Variants in CACNA2D1 observed in about 807,000 individuals in gnomAD.
The protein encoded by CACNA2D1 is voltage-dependent calcium channel subunit alpha-2/delta-1.
Under a neutral mutation model 171.5 loss-of-function variants are expected in CACNA2D1, and 53 were observed. That is an observed-to-expected ratio of 0.31 (90% CI 0.25 to 0.39). The LOEUF (loss-of-function observed/expected upper bound fraction) is 0.39. Ranked by LOEUF, CACNA2D1 falls within the 10% of genes least tolerant of loss-of-function variation. The pLI, the probability that CACNA2D1 is intolerant of heterozygous loss-of-function variation, is 1.00. For synonymous variants in CACNA2D1, 442 were observed against 443.1 expected (o/e 1.00, Z 0.03); for missense variants, 903 against 1,299.8 (o/e 0.69, Z 4.69).
At position 81,978,753 on chromosome 7, in the gene CACNA2D1, G is replaced by GTATATATA. The variant is rs1554336413; in HGVS notation, c.1955+3806_1955+3813dup. The stretch of plus-strand genomic sequence containing the variant: ...TTAAAGTAAATTTTTTTTAAAAAGT[G>GTATATATA]TATATATATATATATATACACACAC... On this transcript the variant is annotated intron_variant, in intron 24 of 38. Transcript: ENST00000356860. Among the ~76,000 whole-genome samples the GTATATATA allele has an allele frequency of 8.9e-4, 124 of 139,464 alleles. 1 individual carries two copies. The highest frequency in any genetic ancestry group is 3.1e-3 in the African/African-American group (116 of 36,990). 91.5% of individuals were successfully genotyped at this position (139,464 alleles called of 152,430 possible). A position where few individuals can be genotyped will look rare whatever the true frequency, so the allele number is the denominator to read the frequency against.
Position 81,967,675 on chromosome 7 carries a change from A to T in CACNA2D1, c.2396-12T>A, listed in dbSNP as rs776613213. 3 of 1,209,914 alleles carry T rather than the reference A, an allele frequency of 2.5e-6. No homozygotes were observed. The highest frequency in any genetic ancestry group is 3.6e-5 in the Admixed American group (2 of 56,098). 74.9% of individuals were successfully genotyped at this position (1,209,914 alleles called of 1,614,324 possible). A position where few individuals can be genotyped will look rare whatever the true frequency, so the allele number is the denominator to read the frequency against. On this transcript the variant is annotated splice_polypyrimidine_tract_variant and intron_variant, in intron 29 of 38. Coordinates refer to ENST00000356860, the MANE Select transcript of CACNA2D1 (RefSeq NM_000722.4). Reference sequence around the variant, plus strand: ...TTTAATTCCAACAACTGAAAAATTAATTTGAATTAATTCAAAGGTATAATT... The same window carrying T: ...TTTAATTCCAACAACTGAAAAATTATTTTGAATTAATTCAAAGGTATAATT...
At chr7:82,266,463 C>T (rs887570526) in intron 3 of CACNA2D1, among the ~76,000 whole-genome samples, 1 of 151,820 alleles carries the variant, frequency 6.6e-6, no homozygotes, top group African/African-American at 2.4e-5. Flanking sequence ...TTTATGAAAC[C>T]CTAAATGCAG....
At chr7:81,967,073 T>TA in intron 31 of CACNA2D1, 96 bp downstream of exon 31, 1 of 838,446 alleles carries the variant, frequency 1.2e-6, no homozygotes, top group Middle Eastern at 2.5e-4. Context: ...AGCCTTTGAT[T>TA]AAAAAATTCC....
At chr7:81,962,091 T>A (rs549825772) in intron 35 of CACNA2D1, 68 bp from the exon 36 acceptor site, 1 of 1,467,584 alleles carries the variant, frequency 6.8e-7, no homozygotes, top group African/African-American at 1.4e-5. Flanking sequence ...GTCACTCCCC[T>A]CGAGTCTTCA....
Position 81,979,303 on chromosome 7 carries a change from T to TAA in CACNA2D1, c.1955+3262_1955+3263dup, listed in dbSNP as rs146042784. 1.7e-3 allele frequency among the ~76,000 whole-genome samples: 251 copies of TAA among 151,370 alleles called. 5 individuals carry two copies. In the East Asian group the frequency reaches 0.018, roughly 11 times the overall value. ...AAATATATTTTAAAACTTTGAATTG[T>TAA]AAAAAAAAATATGAAATGTGACACT... On this transcript the variant is annotated intron_variant, in intron 24 of 38. Transcript: ENST00000356860.
intron 4 of CACNA2D1, among the ~76,000 whole-genome samples, chr7:82,145,370 ATATAT>A (rs1253118239): frequency 7.0e-6 from 1 of 143,628 alleles, no homozygotes; most frequent in African/African-American, 2.5e-5. Flanking sequence ...ATTACACATT[ATATAT>A]TATATATTAT....
chr7:82,111,462 T>TGAGACAGGGTCTCAC (rs1234867628), intron 6 of CACNA2D1, among the ~76,000 whole-genome samples: 1 of 127,372 alleles, frequency 7.9e-6, no homozygotes, highest in Admixed American at 7.6e-5. Context: ...TTTTTTTTTT[T>TGAGACAGGGTCTCAC]TTTGAGACAG....
At chr7:82,122,772 T>C (rs1180138077) in intron 5 of CACNA2D1, among the ~76,000 whole-genome samples, 1 of 152,208 alleles carries the variant, frequency 6.6e-6, no homozygotes, top group Non-Finnish European at 1.5e-5. Flanking sequence ...AACCATGTAG[T>C]AGCATGCATT....
In CACNA2D1 at chr7:81,974,457, G is replaced by A. The variant is rs1226156985; in HGVS notation, c.2051C>T (p.Ser684Leu). 1 of 1,462,912 alleles carries A rather than the reference G, an allele frequency of 6.8e-7. No homozygotes were observed. Among genetic ancestry groups the A allele is most frequent in the Non-Finnish European group, 9.6e-7 (1 of 1,044,360 alleles). The allele number at this position is 1,462,912 out of a possible 1,614,324, so 90.6% of individuals were successfully genotyped here. A position where few individuals can be genotyped will look rare whatever the true frequency, so the allele number is the denominator to read the frequency against. ...FIDRKTPNNP[S>L]CNADLINRVL... is the part of the protein sequence containing the mutation. ...ATTTTGAATTAATGCATACTTACAT[G>A]ATGGGTTGTTTGGAGTTTTTCTATC... is the stretch of plus-strand genomic sequence containing the variant. Residue 684 changes from serine (S) to leucine (L), a missense_variant and splice_region_variant, in exon 25 of 39, where the codon TCA becomes TTA. Physicochemically the swap from Ser to Leu is moderately radical, Grantham distance 145. Transcript: ENST00000356860.
chr7:82,047,955 G>C (rs1482068467), intron 10 of CACNA2D1, among the ~76,000 whole-genome samples: 6 of 152,106 alleles, frequency 3.9e-5, no homozygotes, highest in Admixed American at 6.6e-5. Flanking sequence ...GGGAAGATCT[G>C]GGGGATGATC....
intron 11 of CACNA2D1, among the ~76,000 whole-genome samples, chr7:82,035,079 T>C (rs1803146334): frequency 6.6e-6 from 1 of 152,108 alleles, no homozygotes; most frequent in African/African-American, 2.4e-5. Flanking sequence ...AACAAGATTG[T>C]TTCAATAAAA....
chr7:82,146,463 A>AT (rs1793105048), intron 4 of CACNA2D1, among the ~76,000 whole-genome samples: 1 of 120,326 alleles, frequency 8.3e-6, no homozygotes, highest in Non-Finnish European at 1.8e-5. Context: ...GATATATATA[A>AT]ATATATATCT....
chr7:82,150,354 C>T (rs1793725275), intron 4 of CACNA2D1, among the ~76,000 whole-genome samples: 1 of 144,440 alleles, frequency 6.9e-6, no homozygotes, highest in South Asian at 2.2e-4. Flanking sequence ...TTTTGCTTCT[C>T]ATGTGAGCAC....
At chr7:82,394,314 C>T (rs1190223464) in intron 1 of CACNA2D1, among the ~76,000 whole-genome samples, 1 of 150,218 alleles carries the variant, frequency 6.7e-6, no homozygotes, top group African/African-American at 2.5e-5. Flanking sequence ...AAAGAGAAAT[C>T]TAGATGAAGG....
chr7:82,245,710 T>C (rs1416699649), intron 3 of CACNA2D1, among the ~76,000 whole-genome samples: 1 of 142,560 alleles, frequency 7.0e-6, no homozygotes, highest in East Asian at 2.0e-4. Flanking sequence ...ACTGGTTAGT[T>C]TTGTAAAATT....
intron 14 of CACNA2D1, among the ~76,000 whole-genome samples, chr7:82,012,580 T>C (rs1394188368): frequency 6.6e-6 from 1 of 152,160 alleles, no homozygotes; most frequent in Non-Finnish European, 1.5e-5. Flanking sequence ...TATTTAAGGC[T>C]CTGTGATTTA....
intron 1 of CACNA2D1, among the ~76,000 whole-genome samples, chr7:82,367,438 C>G (rs2129447873): frequency 6.6e-6 from 1 of 152,236 alleles, no homozygotes; most frequent in East Asian, 1.9e-4. Context: ...GTCACCACCT[C>G]ACAGAGGAAT....
intron 1 of CACNA2D1, among the ~76,000 whole-genome samples, chr7:82,420,013 G>A (rs928522584): frequency 1.3e-5 from 2 of 152,062 alleles, no homozygotes; most frequent in East Asian, 1.9e-4. Flanking sequence ...ACAGGACAGC[G>A]CCCCCCGCCC....
intron 3 of CACNA2D1, among the ~76,000 whole-genome samples, chr7:82,238,528 G>A (rs987507708): frequency 2.6e-5 from 4 of 151,962 alleles, no homozygotes; most frequent in Non-Finnish European, 5.9e-5. Flanking sequence ...AAACTACAAT[G>A]AGATACCATC....
Sources: gnomAD v4.1 joint callset for allele counts (sites outside exome capture counted in the v4.1 genomes callset) on GRCh38, gnomAD v4.1.1 for gene constraint, MANE v1.5 for transcripts, NCBI Gene and HGNC (gene_info 2026-07-23, HGNC 2026-07-21) for gene names.